Variants in RASA2 observed in about 807,000 individuals in gnomAD.
The protein encoded by RASA2 is ras GTPase-activating protein 2.
A neutral mutation model predicts 118.2 loss-of-function variants in RASA2; 155 were observed. The observed-to-expected ratio is 1.31, with a 90% confidence interval of 1.15 to 1.50. The LOEUF (loss-of-function observed/expected upper bound fraction) is 1.50. Among genes scored for constraint, RASA2 ranks in the 40% most tolerant of loss-of-function variants. RASA2 has a pLI of 0.00. For synonymous variants in RASA2, 353 were observed against 349.1 expected (o/e 1.01, Z -0.12); for missense variants, 1,016 against 1,009.6 (o/e 1.01, Z -0.09).
chr3:141,495,961 C>G (rs149637023), intron 1 of RASA2, among the ~76,000 whole-genome samples: 1 of 152,154 alleles, frequency 6.6e-6, no homozygotes, highest in East Asian at 1.9e-4. Context: ...TGTGTAGTAT[C>G]CTGTGTATTG....
At chr3:141,550,658 A>G (rs902877278) in intron 5 of RASA2, among the ~76,000 whole-genome samples, 5 of 152,248 alleles carry the variant, frequency 3.3e-5, no homozygotes, top group African/African-American at 1.2e-4. Flanking sequence ...TACCTTGTGC[A>G]TTCAACCCAG....
At chr3:141,607,582 C>A in intron 19 of RASA2, 96 bp from the exon 20 acceptor site, 1 of 1,241,838 alleles carries the variant, frequency 8.1e-7, no homozygotes, top group Non-Finnish European at 1.0e-6. Context: ...CTCCTACCAT[C>A]AAGAGGATGA....
intron 4 of RASA2, among the ~76,000 whole-genome samples, chr3:141,534,808 T>G (rs1215257719): frequency 2.6e-5 from 4 of 152,152 alleles, no homozygotes; most frequent in African/African-American, 9.7e-5. Flanking sequence ...CTAGATCATA[T>G]TAAATACTTC....
intron 1 of RASA2, among the ~76,000 whole-genome samples, chr3:141,508,383 T>C (rs1320390680): frequency 1.3e-5 from 2 of 151,950 alleles, no homozygotes; most frequent in Non-Finnish European, 2.9e-5. Flanking sequence ...TTTGGGTTTT[T>C]TTTTTCTTTC....
intron 19 of RASA2, among the ~76,000 whole-genome samples, chr3:141,602,254 T>G (rs1454752857): frequency 1.3e-5 from 2 of 152,190 alleles, no homozygotes; most frequent in Non-Finnish European, 2.9e-5. Flanking sequence ...AAGGACCAGT[T>G]TCATGGAAGA....
intron 4 of RASA2, among the ~76,000 whole-genome samples, chr3:141,539,935 T>C (rs1489623993): frequency 6.6e-6 from 1 of 152,204 alleles, no homozygotes; most frequent in Non-Finnish European, 1.5e-5. Context: ...TTTTGTTTAT[T>C]GTCTTCCCAA....
intron 1 of RASA2, among the ~76,000 whole-genome samples, chr3:141,494,347 T>C (rs1299909273): frequency 1.3e-5 from 2 of 152,246 alleles, no homozygotes; most frequent in Non-Finnish European, 2.9e-5. Flanking sequence ...TCTTTACTGG[T>C]CTATGAAATA....
intron 9 of RASA2, among the ~76,000 whole-genome samples, chr3:141,569,480 A>G (rs2082878732): frequency 6.6e-6 from 1 of 152,174 alleles, no homozygotes; most frequent in Non-Finnish European, 1.5e-5. Flanking sequence ...TAATCCTGAT[A>G]TAGTCTAGAA....
In RASA2 at chr3:141,571,444, A is replaced by C; in HGVS notation, c.1059A>C (p.Ile353=). The change falls in exon 11 of 24, where the codon ATA becomes ATC. Residue 353 remains isoleucine (I), a synonymous_variant. Coordinates refer to ENST00000286364, the MANE Select transcript of RASA2 (RefSeq NM_006506.5). ...CAGCTGCTTACATTTTGAGTGAAAT[A>C]TGTCGAGATAAAAATGATGCTGTTT... ...SASAAYILSE[I]CRDKNDAVLP... 2 of 1,613,804 alleles carry C rather than the reference A, an allele frequency of 1.2e-6. No individual in the cohort carries two copies. Among genetic ancestry groups the C allele is most frequent in the Non-Finnish European group, 1.7e-6 (2 of 1,179,846 alleles).
Position 141,487,056 on chromosome 3 carries a change from A to G in RASA2, c.-28A>G. The G allele has an allele frequency of 1.1e-5, 13 of 1,224,770 alleles. No individual in the cohort carries two copies. Among genetic ancestry groups the G allele is most frequent in the Non-Finnish European group, 1.3e-5 (13 of 977,846 alleles). 75.9% of individuals were successfully genotyped at this position (1,224,770 alleles called of 1,614,324 possible). A position where few individuals can be genotyped will look rare whatever the true frequency, so the allele number is the denominator to read the frequency against. On this transcript the variant is annotated 5_prime_UTR_variant, in exon 1 of 24. Transcript: ENST00000286364. ...CGCCTCGCCCGGCTACGCAGGCGGCAGGGCTGCGGCACGGGCCGGGCGGCA... is the reference window on the plus strand; with the variant it reads ...CGCCTCGCCCGGCTACGCAGGCGGCGGGGCTGCGGCACGGGCCGGGCGGCA...
In RASA2 at chr3:141,512,208, G is replaced by A; in HGVS notation, c.179G>A (p.Arg60Lys). The A allele has an allele frequency of 1.2e-6, 2 of 1,605,982 alleles. No homozygotes were observed. The highest frequency in any genetic ancestry group is 1.7e-6 in the Non-Finnish European group (2 of 1,177,906). The change falls in exon 2 of 24, where the codon AGA (arginine) becomes AAA (lysine). Residue 60 changes from arginine (R) to lysine (K), a missense_variant. Physicochemically the swap from Arg to Lys is conservative, Grantham distance 26. This residue lies in a region of RASA2 where 896 missense variants were observed against 836.4 expected (regional missense o/e 1.07). Coordinates refer to ENST00000286364, the MANE Select transcript of RASA2 (RefSeq NM_006506.5). Reference protein sequence around the residue: ...LLPYLGPHKMRDCFCTINLDQ... With the variant: ...LLPYLGPHKMKDCFCTINLDQ... ...CCATATCTTGGACCCCACAAAATGA[G>A]AGATTGTTTCTGTACCATAAATTTG...
intron 1 of RASA2, among the ~76,000 whole-genome samples, chr3:141,497,163 C>G (rs1396423076): frequency 4.5e-5 from 4 of 88,688 alleles, no homozygotes; most frequent in Admixed American, 1.8e-4. Flanking sequence ...CGGGGCCTGT[C>G]GTGGGGTGGG....
chr3:141,610,197 G>GT, intron 23 of RASA2, 131 bp downstream of exon 23: 2 of 676,328 alleles, frequency 3.0e-6, no homozygotes, highest in East Asian at 3.3e-5. Context: ...TCTGGTGCAA[G>GT]TTTCCCTGGC....
intron 1 of RASA2, among the ~76,000 whole-genome samples, chr3:141,489,537 C>T (rs2081615879): frequency 6.6e-6 from 1 of 152,158 alleles, no homozygotes; most frequent in African/African-American, 2.4e-5. Context: ...TGGAAGAAAG[C>T]CTGATAGTGC....
chr3:141,574,178 ATT>A, intron 14 of RASA2, 111 bp downstream of exon 14: 1 of 697,614 alleles, frequency 1.4e-6, no homozygotes, highest in South Asian at 7.2e-5. Context: ...TTATTTATTT[ATT>A]TTTATTTTAT....
At chr3:141,526,345 T>A (rs74952134) in intron 3 of RASA2, among the ~76,000 whole-genome samples, 16 of 152,030 alleles carry the variant, frequency 1.1e-4, no homozygotes, top group African/African-American at 2.9e-4. Context: ...CTTTTTTTTT[T>A]ATTCTATTTG....
chr3:141,487,497 C>T (rs1352660009), intron 1 of RASA2, among the ~76,000 whole-genome samples: 8 of 149,912 alleles, frequency 5.3e-5, no homozygotes, highest in Admixed American at 1.3e-4. Flanking sequence ...GGGGCTCGGT[C>T]GTGGGGAGCG....
At position 141,586,886 on chromosome 3, in the gene RASA2, T is replaced by C. The variant is rs2083213119; in HGVS notation, c.1933+134T>C. The C allele has an allele frequency of 4.0e-6, 3 of 748,742 alleles. No homozygotes were observed. The South Asian group carries it at 4.5e-5, about 11-fold the overall frequency. The allele number at this position is 748,742 out of a possible 1,614,324, so 46.4% of individuals were successfully genotyped here. A position where few individuals can be genotyped will look rare whatever the true frequency, so the allele number is the denominator to read the frequency against. On this transcript the variant is annotated intron_variant, in intron 19 of 23. Transcript: ENST00000286364. ...ATGGTTTCTCACACTGATACATACGTACTAAGAATGAAAAAATATTTGACA... is the reference window on the plus strand; with the variant it reads ...ATGGTTTCTCACACTGATACATACGCACTAAGAATGAAAAAATATTTGACA...
chr3:141,565,465 A>G (rs918578795), intron 9 of RASA2, among the ~76,000 whole-genome samples: 1 of 152,218 alleles, frequency 6.6e-6, no homozygotes, highest in African/African-American at 2.4e-5. Flanking sequence ...CTTGAATTGT[A>G]ATCATCCCCA....
Sources: gnomAD v4.1 joint callset for allele counts (sites outside exome capture counted in the v4.1 genomes callset) on GRCh38, gnomAD v4.1.1 for gene constraint, gnomAD v4.1.1 regional missense constraint, MANE v1.5 for transcripts, NCBI Gene and HGNC (gene_info 2026-07-23, HGNC 2026-07-21) for gene names.